Variants in PHACTR1 observed in about 807,000 individuals in gnomAD.
The protein encoded by PHACTR1 is phosphatase and actin regulator 1.
In PHACTR1, 16 loss-of-function variants were observed where a neutral mutation model predicts 69.2. That is an observed-to-expected ratio of 0.23 (90% confidence interval 0.16 to 0.35). The LOEUF (loss-of-function observed/expected upper bound fraction) is 0.35, where lower values mean the gene tolerates loss of function less well. Ranked by LOEUF, PHACTR1 falls within the 10% of genes least tolerant of loss-of-function variation. The pLI, the probability that PHACTR1 is intolerant of heterozygous loss-of-function variation, is 1.00. For synonymous variants in PHACTR1, 312 were observed against 284.5 expected, an observed-to-expected ratio of 1.10 and a Z score of -0.97; for missense variants, 510 against 734.7, an observed-to-expected ratio of 0.69 and a Z score of 3.54.
At chr6:13,268,762 T>G (rs1340560951) in intron 10 of PHACTR1, among the ~76,000 whole-genome samples, 1 of 152,234 alleles carries the variant, frequency 6.6e-6, no homozygotes, top group Non-Finnish European at 1.5e-5. Context: ...AAATCTCATT[T>G]TCAAGGTCAA....
intron 4 of PHACTR1, among the ~76,000 whole-genome samples, chr6:12,846,418 A>G (rs1300434095): frequency 3.3e-5 from 5 of 152,206 alleles, no homozygotes; most frequent in Admixed American, 6.5e-5. Flanking sequence ...CTGTGTTCTA[A>G]TAAACCCAAT....
intron 3 of PHACTR1, among the ~76,000 whole-genome samples, chr6:12,737,598 C>CTT (rs200648359): frequency 1.4e-3 from 206 of 142,978 alleles, no homozygotes; most frequent in Middle Eastern, 3.6e-3. Context: ...TTCTTTCTTT[C>CTT]TTTTTTTTTT....
chr6:12,856,960 G>A (rs1210302953), intron 4 of PHACTR1, among the ~76,000 whole-genome samples: 1 of 152,206 alleles, frequency 6.6e-6, no homozygotes, highest in Non-Finnish European at 1.5e-5. Flanking sequence ...CTTGAAAATT[G>A]AGGCTTCGGT....
intron 3 of PHACTR1, among the ~76,000 whole-genome samples, chr6:12,740,110 T>G (rs913070300): frequency 3.9e-5 from 6 of 152,230 alleles, no homozygotes; most frequent in Non-Finnish European, 8.8e-5. Flanking sequence ...GGCTGGCATC[T>G]TTTGTTCGAC....
intron 4 of PHACTR1, among the ~76,000 whole-genome samples, chr6:12,950,847 C>T (rs376817027): frequency 9.2e-5 from 14 of 152,300 alleles, no homozygotes; most frequent in African/African-American, 2.9e-4. Context: ...AGGCCTCTTC[C>T]TACTGCAGTT....
intron 7 of PHACTR1, among the ~76,000 whole-genome samples, chr6:13,198,112 T>C (rs1764687212): frequency 6.6e-6 from 1 of 152,236 alleles, no homozygotes; most frequent in Non-Finnish European, 1.5e-5. Flanking sequence ...GATGAAAAGA[T>C]AAACAAACGT....
chr6:13,281,609 A>G (rs1461885198), intron 12 of PHACTR1: 1 of 171,902 alleles, frequency 5.8e-6, no homozygotes, highest in Non-Finnish European at 1.3e-5. Flanking sequence ...CCCTTGAGGT[A>G]AACCCAGCAA....
intron 4 of PHACTR1, among the ~76,000 whole-genome samples, chr6:12,832,360 G>C (rs1777674975): frequency 6.6e-6 from 1 of 152,166 alleles, no homozygotes; most frequent in East Asian, 1.9e-4. Flanking sequence ...GATACATTTA[G>C]CTTTAGAATG....
intron 5 of PHACTR1, among the ~76,000 whole-genome samples, chr6:13,129,206 A>G (rs1191465622): frequency 6.6e-6 from 1 of 152,210 alleles, no homozygotes; most frequent in Non-Finnish European, 1.5e-5. Context: ...AACCTCCTTA[A>G]AGCACAAATC....
intron 10 of PHACTR1, chr6:13,253,173 T>C (rs1184444482): frequency 9.3e-6 from 3 of 321,778 alleles, no homozygotes; most frequent in Non-Finnish European, 2.0e-5. Flanking sequence ...AATGAGAGAT[T>C]GGCCCTTTGC....
intron 4 of PHACTR1, among the ~76,000 whole-genome samples, chr6:12,804,383 C>G (rs2127682882): frequency 6.6e-6 from 1 of 152,124 alleles, no homozygotes; most frequent in South Asian, 2.1e-4. Context: ...TTGGAATGGC[C>G]CAGCGGGTGA....
At chr6:13,023,208 G>A (rs1485035441) in intron 4 of PHACTR1, among the ~76,000 whole-genome samples, 1 of 152,098 alleles carries the variant, frequency 6.6e-6, no homozygotes, top group Non-Finnish European at 1.5e-5. Flanking sequence ...CAGAGGCACA[G>A]GTTTAAAATG....
chr6:12,821,052 C>A lies in PHACTR1; in HGVS notation c.250+71262C>A, dbSNP rs190638755. Among the ~76,000 whole-genome samples the A allele has an allele frequency of 2.2e-3, 329 of 152,208 alleles. 1 individual carries two copies. Among genetic ancestry groups the A allele is most frequent in the Middle Eastern group, 3.4e-3 (1 of 294 alleles). ...GAGATCTAAGATTTTCAGGAAGGACCTTTAGTTTACTTGTATTTGTGTAGG... is the reference window on the plus strand; with the variant it reads ...GAGATCTAAGATTTTCAGGAAGGACATTTAGTTTACTTGTATTTGTGTAGG... On this transcript the variant is annotated intron_variant, in intron 4 of 14. Coordinates refer to ENST00000332995, the MANE Select transcript of PHACTR1 (RefSeq NM_030948.6).
chr6:13,225,882 T>C (rs985158204), intron 8 of PHACTR1, among the ~76,000 whole-genome samples: 2 of 152,260 alleles, frequency 1.3e-5, no homozygotes, highest in African/African-American at 4.8e-5. Context: ...TAATACCCAA[T>C]GTGGAAATCC....
chr6:13,033,016 A>G (rs1802699220), intron 4 of PHACTR1, among the ~76,000 whole-genome samples: 1 of 152,124 alleles, frequency 6.6e-6, no homozygotes, highest in African/African-American at 2.4e-5. Context: ...TCTATTTCTG[A>G]AAGTCGTAAA....
intron 5 of PHACTR1, among the ~76,000 whole-genome samples, chr6:13,093,129 A>G (rs1341733870): frequency 6.6e-6 from 1 of 152,232 alleles, no homozygotes; most frequent in East Asian, 1.9e-4. Flanking sequence ...ATCTTGGGCA[A>G]TATGTATCTA....
chr6:12,919,430 C>T (rs984300580), intron 4 of PHACTR1, among the ~76,000 whole-genome samples: 2 of 152,110 alleles, frequency 1.3e-5, no homozygotes, highest in Admixed American at 6.5e-5. Context: ...CATGAGCCAC[C>T]GTGCCCGGCC....
chr6:13,199,720 A>G (rs1311956983), intron 7 of PHACTR1, among the ~76,000 whole-genome samples: 1 of 152,208 alleles, frequency 6.6e-6, no homozygotes, highest in Non-Finnish European at 1.5e-5. Flanking sequence ...AAACATCCTT[A>G]AAGTTTAGAC....
At chr6:13,192,948 A>G (rs1351312451) in intron 7 of PHACTR1, among the ~76,000 whole-genome samples, 1 of 152,184 alleles carries the variant, frequency 6.6e-6, no homozygotes, top group African/African-American at 2.4e-5. Flanking sequence ...AAGTTCTGCC[A>G]TAAATTAACC....
Sources: gnomAD v4.1 joint callset for allele counts (sites outside exome capture counted in the v4.1 genomes callset) on GRCh38, gnomAD v4.1.1 for gene constraint, MANE v1.5 for transcripts, NCBI Gene and HGNC (gene_info 2026-07-23, HGNC 2026-07-21) for gene names.